The following PSG5 variants were observed in gnomAD, a reference collection of about 807,000 sequenced individuals.
PSG5 encodes pregnancy-specific beta-1-glycoprotein 5.
A neutral mutation model predicts 37.7 loss-of-function variants in PSG5; 53 were observed. The observed-to-expected ratio is 1.41, with a 90% CI of 1.13 to 1.77. PSG5 has a LOEUF of 1.77. PSG5 is among the 40% of genes most tolerant of loss of function. The pLI, the probability that PSG5 is intolerant of heterozygous loss-of-function variation, is 0.00. For missense variants in PSG5, 547 were observed against 405.2 expected (o/e 1.35, Z -3.00); for synonymous variants, 221 against 155.4 (o/e 1.42, Z -3.14).
chr19:43,184,542 C>G (rs1196816440), intron 2 of PSG5, among the ~76,000 whole-genome samples: 1 of 151,450 alleles, frequency 6.6e-6, no homozygotes, highest in African/African-American at 2.4e-5. Context: ...CCTGCTGAGT[C>G]CCCCCATCAG....
intron 2 of PSG5, among the ~76,000 whole-genome samples, chr19:43,184,454 C>T (rs566930856): frequency 6.6e-6 from 1 of 151,728 alleles, no homozygotes; most frequent in Admixed American, 6.6e-5. Flanking sequence ...GGCCAAAGCC[C>T]TACTCAGTTC....
chr19:43,170,364 C>G (rs1968880283), intron 4 of PSG5: 1 of 611,806 alleles, frequency 1.6e-6, no homozygotes, highest in Admixed American at 3.7e-5. Context: ...CTCTACTGCA[C>G]TCAGATATTT....
At position 43,168,651 on chromosome 19, in the gene PSG5, C is replaced by T. The variant is rs61421849; in HGVS notation, c.*41-448G>A. 5.7e-3 allele frequency among the ~76,000 whole-genome samples: 873 copies of T among 151,834 alleles called. 24 individuals are homozygous for T. Among genetic ancestry groups the T allele is most frequent in the African/African-American group, 0.02 (835 of 41,304 alleles). On this transcript the variant is annotated intron_variant, in intron 5 of 5. Coordinates refer to ENST00000342951, the MANE Select transcript of PSG5 (RefSeq NM_002781.4). ...CCTCCCAAACTGCTGGGATTGCAGG[C>T]GTGAGCCATCGCGCCCAGCGTAGAA...
Position 43,170,059 on chromosome 19 carries a change from C to T in PSG5, c.*36G>A. 3 of 1,527,122 alleles carry T rather than the reference C, an allele frequency of 2.0e-6. No individual in the cohort carries two copies. Among genetic ancestry groups the T allele is most frequent in the Non-Finnish European group, 2.7e-6 (3 of 1,109,906 alleles). The allele number at this position is 1,527,122 out of a possible 1,614,324, so 94.6% of individuals were successfully genotyped here. On this transcript the variant is annotated 3_prime_UTR_variant, in exon 5 of 6. Coordinates refer to ENST00000342951, the MANE Select transcript of PSG5 (RefSeq NM_002781.4). Reference sequence around the variant, plus strand: ...TAAGAGAAAAGGCCATCATACCTGCCAGTCTTCCTGAAATACAGAAATGAC... The same window carrying T: ...TAAGAGAAAAGGCCATCATACCTGCTAGTCTTCCTGAAATACAGAAATGAC...
intron 2 of PSG5, among the ~76,000 whole-genome samples, chr19:43,183,827 G>T (rs1005305839): frequency 4.0e-5 from 6 of 151,376 alleles, no homozygotes; most frequent in South Asian, 2.1e-4. Context: ...TCCCCCTTTG[G>T]GTTTGTGTGA....
rs1010437488 is a variant in PSG5 at position 43,185,986 on chromosome 19, T to A, written c.64+356A>T. Among the ~76,000 whole-genome samples, 6 of 151,346 alleles carry A rather than the reference T, an allele frequency of 4.0e-5. 1 individual carries two copies. Among genetic ancestry groups the A allele is most frequent in the South Asian group, 4.2e-4 (2 of 4,790 alleles). On this transcript the variant is annotated intron_variant, in intron 1 of 5. Coordinates refer to ENST00000342951, the MANE Select transcript of PSG5 (RefSeq NM_002781.4). The stretch of plus-strand genomic sequence containing the variant: ...TTTTCTTTTTTCTTTTTTTTCTTTT[T>A]ATTTTTTTGAGACAGAGTCTCGTAC...
intron 2 of PSG5, among the ~76,000 whole-genome samples, chr19:43,182,321 A>G (rs1044444196): frequency 6.6e-6 from 1 of 151,694 alleles, no homozygotes; most frequent in African/African-American, 2.4e-5. Flanking sequence ...AGAGTTTACA[A>G]AATTTGTAAC....
At chr19:43,177,545 A>C (rs1003421091) in intron 2 of PSG5, among the ~76,000 whole-genome samples, 4 of 149,206 alleles carry the variant, frequency 2.7e-5, no homozygotes, top group African/African-American at 1.0e-4. Flanking sequence ...TACCATGGTG[A>C]TTAGTTTTTG....
chr19:43,183,520 G>T (rs1568376024), intron 2 of PSG5: 1 of 522,534 alleles, frequency 1.9e-6, no homozygotes, highest in East Asian at 5.6e-5. Context: ...TTTCATGACA[G>T]TGACATGGGC....
chr19:43,168,562 C>T lies in PSG5; in HGVS notation c.*41-359G>A, dbSNP rs141227910. On this transcript the variant is annotated intron_variant, in intron 5 of 5. Transcript: ENST00000342951. ...TTTGTTTTTGCATTTTTAGTAGAGA[C>T]GGGGTTTCACCGTGTTAGCCAGGAT... is the stretch of plus-strand genomic sequence containing the variant. Among the ~76,000 whole-genome samples, 59 of 151,434 alleles carry T rather than the reference C, an allele frequency of 3.9e-4. No individual in the cohort carries two copies. The East Asian group carries it at 4.1e-3, about 10-fold the overall frequency.
intron 2 of PSG5, among the ~76,000 whole-genome samples, chr19:43,184,271 C>T (rs978312807): frequency 6.6e-6 from 1 of 151,716 alleles, no homozygotes; most frequent in Non-Finnish European, 1.5e-5. Context: ...CTCCAGGAGA[C>T]ACAGTCCTCA....
At position 43,186,282 on chromosome 19, in the gene PSG5, G is replaced by T. The variant is rs530417262; in HGVS notation, c.64+60C>A. The T allele has an allele frequency of 3.0e-4, 478 of 1,608,580 alleles. 8 individuals carry two copies. The highest frequency in any genetic ancestry group is 2.3e-3 in the South Asian group (211 of 90,964). On this transcript the variant is annotated intron_variant, in intron 1 of 5. Coordinates refer to ENST00000342951, the MANE Select transcript of PSG5 (RefSeq NM_002781.4). ...TTTTAGAACCCCATCCTCTCCAGGA[G>T]ACCCAATCCAGTCACTCTTCTTCCT... is the stretch of plus-strand genomic sequence containing the variant.
chr19:43,168,522 C>T (rs571286505), intron 5 of PSG5, among the ~76,000 whole-genome samples: 3 of 151,480 alleles, frequency 2.0e-5, no homozygotes, highest in South Asian at 4.2e-4. Context: ...GTGCCTGCCA[C>T]CACGCCCGGC....
At chr19:43,179,857 C>G (rs1329279200) in intron 2 of PSG5, among the ~76,000 whole-genome samples, 1 of 151,268 alleles carries the variant, frequency 6.6e-6, no homozygotes, top group Non-Finnish European at 1.5e-5. Context: ...GAGCTGATAG[C>G]TTTGGACCAA....
chr19:43,182,705 A>ATTTTTTTTTTTTTTTTTTTTTTTTTTTT (rs534568803), intron 2 of PSG5, among the ~76,000 whole-genome samples: 3 of 58,462 alleles, frequency 5.1e-5, no homozygotes, highest in African/African-American at 2.1e-4. Context: ...CATTTCAATA[A>ATTTTTTTTTTTTTTTTTTTTTTTTTTTT]TTTTTTTTTT....
chr19:43,183,802 C>T (rs994954668), intron 2 of PSG5, among the ~76,000 whole-genome samples: 2 of 151,556 alleles, frequency 1.3e-5, no homozygotes, highest in African/African-American at 4.9e-5. Context: ...AGACAGACCT[C>T]ATGTGACCCT....
At chr19:43,173,072 C>T (rs1432860418) in intron 4 of PSG5, among the ~76,000 whole-genome samples, 1 of 151,584 alleles carries the variant, frequency 6.6e-6, no homozygotes, top group African/African-American at 2.4e-5. Flanking sequence ...GAAATGCTTG[C>T]ATATATGGCC....
rs780134879 is a variant in PSG5, at chr19:43,178,986, G to A, written c.431-2838C>T. 3.7e-6 allele frequency: 6 copies of A among 1,612,618 alleles called. No homozygotes were observed. In the East Asian group the frequency reaches 8.9e-5, roughly 24 times the overall value. ...CTTTGTGACACCAAATATAAAGAGG[G>A]TCCTGTTGGTTTTGGACAGCTGCAA... On this transcript the variant is annotated intron_variant, in intron 2 of 5. Transcript: ENST00000342951.
intron 2 of PSG5, chr19:43,180,347 G>C (rs1472970320): frequency 6.6e-6 from 1 of 151,464 alleles, no homozygotes; most frequent in Non-Finnish European, 1.5e-5. Context: ...AAAGTGTTTT[G>C]GATTTCTAAT....
Sources: allele counts gnomAD v4.1 joint callset (sites outside exome capture counted in the v4.1 genomes callset), GRCh38; gene constraint gnomAD v4.1.1; transcripts MANE v1.5; gene names NCBI Gene and HGNC (gene_info 2026-07-23, HGNC 2026-07-21).